The following PRKCA variants were observed in gnomAD, a reference collection of about 807,000 sequenced individuals.
The protein encoded by PRKCA is protein kinase C alpha type.
PRKCA carries 27 observed loss-of-function variants against 87.0 expected under a neutral mutation model. The ratio of observed to expected loss-of-function variants is 0.31; its 90% CI spans 0.23 to 0.43. The LOEUF (loss-of-function observed/expected upper bound fraction) is 0.43, where lower values mean the gene tolerates loss of function less well. Ranked by LOEUF, PRKCA falls within the 20% of genes least tolerant of loss-of-function variation. The pLI is 1.00. For synonymous variants in PRKCA, 329 were observed against 311.1 expected, an observed-to-expected ratio of 1.06 and a Z score of -0.61; for missense variants, 518 against 852.3, an observed-to-expected ratio of 0.61 and a Z score of 4.88.
At chr17:66,641,495 G>A (rs1407862456) in intron 4 of PRKCA, 29 bp downstream of exon 4, 2 of 1,541,088 alleles carry the variant, frequency 1.3e-6, no homozygotes, top group Non-Finnish European at 1.8e-6. Flanking sequence ...CCAGTTCATA[G>A]CGAGGCTCTG....
intron 3 of PRKCA, among the ~76,000 whole-genome samples, chr17:66,521,950 A>G (rs1248520776): frequency 2.0e-5 from 3 of 152,240 alleles, no homozygotes; most frequent in African/African-American, 7.2e-5. Context: ...ACTTGAGTGA[A>G]GGAAAGAATT....
chr17:66,357,932 A>G (rs970801310), intron 2 of PRKCA, among the ~76,000 whole-genome samples: 1 of 151,358 alleles, frequency 6.6e-6, no homozygotes, highest in African/African-American at 2.5e-5. Flanking sequence ...TTGGTAAGCC[A>G]GTTCTTTCTG....
intron 8 of PRKCA, among the ~76,000 whole-genome samples, chr17:66,731,771 CTTTCT>C (rs1423149469): frequency 1.0e-3 from 143 of 142,898 alleles, no homozygotes; most frequent in Non-Finnish European, 1.3e-3. Context: ...CTTGTGCTCC[CTTTCT>C]TTTTTTTTTT....
chr17:66,516,245 G>GAAACTGGT (rs980114742), intron 3 of PRKCA, among the ~76,000 whole-genome samples: 18 of 152,152 alleles, frequency 1.2e-4, no homozygotes, highest in Non-Finnish European at 2.5e-4. Flanking sequence ...GAGGGATCAA[G>GAAACTGGT]AAACTGGTAT....
chr17:66,437,242 A>G (rs1913444547), intron 2 of PRKCA, among the ~76,000 whole-genome samples: 1 of 152,118 alleles, frequency 6.6e-6, no homozygotes, highest in African/African-American at 2.4e-5. Flanking sequence ...TTTGGCAAAC[A>G]ATGGTGGGCA....
intron 3 of PRKCA, among the ~76,000 whole-genome samples, chr17:66,609,883 G>A (rs554477504): frequency 1.3e-5 from 2 of 152,098 alleles, no homozygotes; most frequent in Non-Finnish European, 2.9e-5. Context: ...TCAACACAAA[G>A]TGCTTCTGGT....
Position 66,803,558 on chromosome 17 carries a change from C to G in PRKCA, c.1855-315C>G, listed in dbSNP as rs1284162956. 1.3e-5 allele frequency among the ~76,000 whole-genome samples: 2 copies of G among 152,206 alleles called. No homozygotes were observed. The highest frequency in any genetic ancestry group is 2.1e-4 in the South Asian group (1 of 4,832). On this transcript the variant is annotated intron_variant, in intron 16 of 16. Coordinates refer to ENST00000413366, the MANE Select transcript of PRKCA (RefSeq NM_002737.3). This position sits in a 1 kb window ranked among gnomAD's most constrained non-coding sequence, Gnocchi z 4.4. Reference sequence around the variant, plus strand: ...GCCCTGCGTGCGTGGCTTCCGTGCTCTCAGCTCCGCTTGCTCGGTGAGGTG... The same window carrying G: ...GCCCTGCGTGCGTGGCTTCCGTGCTGTCAGCTCCGCTTGCTCGGTGAGGTG...
At chr17:66,688,765 C>T (rs190914836) in intron 7 of PRKCA, among the ~76,000 whole-genome samples, 186 bp from the exon 8 acceptor site, 6 of 152,114 alleles carry the variant, frequency 3.9e-5, no homozygotes, top group Admixed American at 3.3e-4. Flanking sequence ...ATTCCGCCAC[C>T]GTCCCCCAGC....
chr17:66,380,796 C>T (rs529561436), intron 2 of PRKCA, among the ~76,000 whole-genome samples: 118 of 152,106 alleles, frequency 7.8e-4, no homozygotes, highest in South Asian at 1.0e-3. Context: ...TCCTGAATCA[C>T]GATAGTTTAA....
chr17:66,406,693 C>T (rs1911424352), intron 2 of PRKCA, among the ~76,000 whole-genome samples: 1 of 141,886 alleles, frequency 7.0e-6, no homozygotes, highest in Non-Finnish European at 1.5e-5. Flanking sequence ...TTAAAGAATG[C>T]ATTCGATCAG....
intron 2 of PRKCA, among the ~76,000 whole-genome samples, chr17:66,489,097 A>G (rs1382809558): frequency 2.0e-5 from 3 of 152,068 alleles, no homozygotes; most frequent in Non-Finnish European, 4.4e-5. Context: ...TTGTATTTAA[A>G]AAAAAGAATT....
At chr17:66,443,420 G>C (rs1203678322) in intron 2 of PRKCA, among the ~76,000 whole-genome samples, 1 of 152,240 alleles carries the variant, frequency 6.6e-6, no homozygotes. Context: ...AGGCTTCTTA[G>C]ATGTCGTTGT....
chr17:66,318,538 G>C (rs558035286), intron 2 of PRKCA, among the ~76,000 whole-genome samples: 2 of 152,204 alleles, frequency 1.3e-5, no homozygotes, highest in African/African-American at 4.8e-5. Context: ...GGGCTGGAGC[G>C]GGAATAGTTG....
intron 2 of PRKCA, among the ~76,000 whole-genome samples, chr17:66,380,884 A>G (rs1165100558): frequency 1.3e-5 from 2 of 152,016 alleles, no homozygotes; most frequent in Non-Finnish European, 2.9e-5. Flanking sequence ...ATACAGTCTC[A>G]TATAAGATTT....
chr17:66,302,784 G>C lies in PRKCA; in HGVS notation c.-68G>C. On this transcript the variant is annotated 5_prime_UTR_variant, in exon 1 of 17. Coordinates refer to ENST00000413366, the MANE Select transcript of PRKCA (RefSeq NM_002737.3). ...CCCGAGCCCGCACCTCTCCCCCGCC[G>C]CCCCCGCCCACCCGGCCCTCCGCGG... The C allele has an allele frequency of 1.5e-6, 2 of 1,354,492 alleles. No individual in the cohort carries two copies. Among genetic ancestry groups the C allele is most frequent in the Non-Finnish European group, 1.9e-6 (2 of 1,034,870 alleles). 83.9% of individuals were successfully genotyped at this position (1,354,492 alleles called of 1,614,324 possible).
chr17:66,786,857 T>G lies in PRKCA; in HGVS notation c.1606-10T>G. On this transcript the variant is annotated splice_polypyrimidine_tract_variant and intron_variant, in intron 14 of 16. Transcript: ENST00000413366. The stretch of plus-strand genomic sequence containing the variant: ...AAATACTTTCCCATCTTTCTTTTTT[T>G]CCGGAACAGCCTCCATTTGATGGTG... The G allele has an allele frequency of 2.5e-6, 4 of 1,610,222 alleles. No homozygotes were observed. The highest frequency in any genetic ancestry group is 3.4e-6 in the Non-Finnish European group (4 of 1,176,558).
rs1467995341 is a variant in PRKCA at position 66,488,842 on chromosome 17, A to G, written c.206-7359A>G. 8.5e-5 allele frequency among the ~76,000 whole-genome samples: 13 copies of G among 152,202 alleles called. No homozygotes were observed. The East Asian group carries it at 1.5e-3, about 18-fold the overall frequency. ...CATTTATTTGATTTGTTTTCATACAACTTTTAATGTGTATCCCAGGAGAAG... is the reference window on the plus strand; with the variant it reads ...CATTTATTTGATTTGTTTTCATACAGCTTTTAATGTGTATCCCAGGAGAAG... On this transcript the variant is annotated intron_variant, in intron 2 of 16. Transcript: ENST00000413366.
intron 3 of PRKCA, among the ~76,000 whole-genome samples, chr17:66,609,548 G>T (rs1970294957): frequency 6.6e-6 from 1 of 152,176 alleles, no homozygotes; most frequent in Non-Finnish European, 1.5e-5. Context: ...GTATAGATAA[G>T]TTGCCTGTCA....
chr17:66,357,144 G>C (rs988983598), intron 2 of PRKCA, among the ~76,000 whole-genome samples: 4 of 152,168 alleles, frequency 2.6e-5, no homozygotes, highest in Middle Eastern at 3.2e-3. Flanking sequence ...GAGGGTCCCA[G>C]GCTAACAGTT....
Sources: gnomAD v4.1 joint callset for allele counts (sites outside exome capture counted in the v4.1 genomes callset) on GRCh38, gnomAD v4.1.1 for gene constraint, Gnocchi (gnomAD v3.1) non-coding constraint, MANE v1.5 for transcripts, NCBI Gene and HGNC (gene_info 2026-07-23, HGNC 2026-07-21) for gene names.